Variants in LNPEP observed in about 807,000 individuals in gnomAD.
LNPEP encodes leucyl-cystinyl aminopeptidase.
LNPEP carries 64 observed loss-of-function variants against 120.6 expected under a neutral mutation model. The ratio of observed to expected loss-of-function variants is 0.53; its 90% CI spans 0.43 to 0.65. The LOEUF (loss-of-function observed/expected upper bound fraction) is 0.65. Ranked by LOEUF, LNPEP falls within the 30% of genes least tolerant of loss-of-function variation. The probability of loss-of-function intolerance (pLI) is 0.00; values close to 1 mark genes in which losing one functional copy is unlikely to be tolerated. For missense variants in LNPEP, 1,057 were observed against 1,200.0 expected, an observed-to-expected ratio of 0.88 and a Z score of 1.76; for synonymous variants, 435 against 425.4, an observed-to-expected ratio of 1.02 and a Z score of -0.28.
intron 1 of LNPEP, among the ~76,000 whole-genome samples, chr5:96,961,699 A>T (rs1446372405): frequency 2.6e-5 from 4 of 152,148 alleles, no homozygotes; most frequent in African/African-American, 9.7e-5. Flanking sequence ...GCATATAACC[A>T]GTTTACACGA....
At chr5:97,017,519 C>A (rs38029) in intron 13 of LNPEP, among the ~76,000 whole-genome samples, 1 of 151,866 alleles carries the variant, frequency 6.6e-6, no homozygotes, top group South Asian at 2.1e-4. Context: ...TAGATATTCT[C>A]TGTTCTCTTC....
At chr5:96,959,688 T>C (rs924972299) in intron 1 of LNPEP, among the ~76,000 whole-genome samples, 5 of 152,178 alleles carry the variant, frequency 3.3e-5, no homozygotes, top group Non-Finnish European at 5.9e-5. Flanking sequence ...ATTTTAGTTT[T>C]AGACTTTTAA....
chr5:96,964,282 T>G (rs1789675898), intron 1 of LNPEP, among the ~76,000 whole-genome samples: 1 of 151,948 alleles, frequency 6.6e-6, no homozygotes, highest in Non-Finnish European at 1.5e-5. Flanking sequence ...GTTAATTTAT[T>G]AAGATCTTGG....
intron 2 of LNPEP, among the ~76,000 whole-genome samples, chr5:96,983,649 G>A (rs539564906): frequency 1.3e-5 from 2 of 152,252 alleles, no homozygotes; most frequent in South Asian, 4.1e-4. Flanking sequence ...GTTTCACCAT[G>A]TTGGCCAGGC....
chr5:97,017,203 T>G (rs1268316178), intron 13 of LNPEP, among the ~76,000 whole-genome samples: 3 of 152,176 alleles, frequency 2.0e-5, no homozygotes, highest in African/African-American at 4.8e-5. Flanking sequence ...ACTGCAATTT[T>G]GACTTGAATT....
rs898696656 is a variant in LNPEP, at chr5:97,034,094, G to A, written c.*5561G>A. 4 of 152,084 alleles carry A rather than the reference G, an allele frequency of 2.6e-5. No individual in the cohort carries two copies. Among genetic ancestry groups the A allele is most frequent in the African/African-American group, 9.7e-5 (4 of 41,404 alleles). The allele number at this position is 152,084 out of a possible 1,614,324, so 9.4% of individuals were successfully genotyped here. A position where few individuals can be genotyped will look rare whatever the true frequency, so the allele number is the denominator to read the frequency against. ...ATGAAACGTGGAGGTCCGGATGTAT[G>A]AAAATCTCCTCTTTTCCCCTTTCCT... is the stretch of plus-strand genomic sequence containing the variant. On this transcript the variant is annotated 3_prime_UTR_variant, in exon 18 of 18. Transcript: ENST00000231368.
chr5:96,983,877 A>G (rs1454350000), intron 2 of LNPEP, among the ~76,000 whole-genome samples: 5 of 152,146 alleles, frequency 3.3e-5, no homozygotes, highest in Admixed American at 6.6e-5. Context: ...AATTTTTTCA[A>G]TCTTCATGAA....
intron 11 of LNPEP, among the ~76,000 whole-genome samples, chr5:97,009,652 T>TA (rs1244153787): frequency 4.7e-5 from 7 of 150,334 alleles, no homozygotes; most frequent in African/African-American, 1.7e-4. Flanking sequence ...TAGTGTCTGT[T>TA]ACTTCCTCTT....
chr5:97,021,948 T>TTTTTTTTTTG (rs1791211585), intron 13 of LNPEP, among the ~76,000 whole-genome samples: 1 of 143,772 alleles, frequency 7.0e-6, no homozygotes, highest in Admixed American at 7.0e-5. Context: ...TTTTTTTTTT[T>TTTTTTTTTTG]TGAGGCAGAG....
intron 1 of LNPEP, among the ~76,000 whole-genome samples, chr5:96,971,152 T>G (rs1336143544): frequency 2.0e-5 from 3 of 152,168 alleles, no homozygotes; most frequent in Middle Eastern, 6.8e-3. Context: ...CAAAGTTGAG[T>G]TTAGAATTTT....
chr5:96,992,548 C>T (rs1466532449), intron 4 of LNPEP, among the ~76,000 whole-genome samples: 1 of 152,078 alleles, frequency 6.6e-6, no homozygotes, highest in Non-Finnish European at 1.5e-5. Context: ...TGTGACTCCT[C>T]AGTGTTGAGT....
Position 97,006,221 on chromosome 5 carries a change from C to A in LNPEP, c.1934C>A (p.Pro645His). Residue 645 changes from proline to histidine, a missense_variant, in exon 10 of 18, where the codon CCT becomes CAT. Physicochemically the swap from Pro to His is moderately conservative, Grantham distance 77. Coordinates refer to ENST00000231368, the MANE Select transcript of LNPEP (RefSeq NM_005575.3). ...FFLNMKPEIQPSDTSYLWHIP... is the reference protein window; with the variant it reads ...FFLNMKPEIQHSDTSYLWHIP... ...TTAAATATGAAGCCTGAAATTCAGC[C>A]TTCAGATACAAGGTACATGCCCTCT... The A allele has an allele frequency of 6.2e-7, 1 of 1,602,650 alleles. No individual in the cohort carries two copies. The highest frequency in any genetic ancestry group is 1.1e-5 in the South Asian group (1 of 88,642).
At chr5:96,988,663 T>C (rs1041092305) in intron 4 of LNPEP, among the ~76,000 whole-genome samples, 92 of 152,114 alleles carry the variant, frequency 6.0e-4, no homozygotes, top group African/African-American at 2.2e-3. Flanking sequence ...CAGGCTGGAG[T>C]ACATGGTGCA....
chr5:97,017,556 C>T (rs941843159), intron 13 of LNPEP, among the ~76,000 whole-genome samples: 2 of 152,024 alleles, frequency 1.3e-5, no homozygotes, highest in African/African-American at 2.4e-5. Flanking sequence ...TTATCCTTTA[C>T]ATTTAGATCT....
intron 1 of LNPEP, among the ~76,000 whole-genome samples, chr5:96,942,099 A>G (rs1789066837): frequency 1.3e-5 from 2 of 152,216 alleles, no homozygotes; most frequent in Admixed American, 1.3e-4. Flanking sequence ...GCCAAGAGAT[A>G]GAAAACATTT....
rs973397436 is a variant in LNPEP at position 96,980,928 on chromosome 5, T to C, written c.860+950T>C. Among the ~76,000 whole-genome samples, 20 of 152,226 alleles carry C rather than the reference T, an allele frequency of 1.3e-4. No homozygotes were observed. The South Asian group carries it at 4.1e-3, about 31-fold the overall frequency. On this transcript the variant is annotated intron_variant, in intron 2 of 17. Transcript: ENST00000231368. ...TAATTCTATTCAGATAAATAATTTT[T>C]ATTTTATTTTCCCTCTATGTAATAC...
chr5:96,985,120 T>A lies in LNPEP; in HGVS notation c.901T>A (p.Ser301Thr), dbSNP rs750671326. ...ATQFEPLAARSAFPCFDEPAF... is the reference protein window; with the variant it reads ...ATQFEPLAARTAFPCFDEPAF... ...TCAGTTTGAACCCCTGGCAGCAAGA[T>A]CTGCTTTTCCTTGTTTTGATGAACC... The change falls in exon 3 of 18, where the codon TCT becomes ACT. Residue 301 changes from serine (S) to threonine (T), a missense_variant. Transcript: ENST00000231368. 1.2e-6 allele frequency: 2 copies of A among 1,614,048 alleles called. No homozygotes were observed. The highest frequency in any genetic ancestry group is 1.1e-5 in the South Asian group (1 of 91,086).
intron 13 of LNPEP, among the ~76,000 whole-genome samples, chr5:97,021,319 G>T (rs886146936): frequency 6.6e-6 from 1 of 152,182 alleles, no homozygotes; most frequent in Non-Finnish European, 1.5e-5. Flanking sequence ...GAATCTAGAT[G>T]AACAGTGTAT....
At chr5:97,021,332 G>A (rs1209253158) in intron 13 of LNPEP, among the ~76,000 whole-genome samples, 1 of 152,144 alleles carries the variant, frequency 6.6e-6, no homozygotes, top group African/African-American at 2.4e-5. Context: ...CAGTGTATGG[G>A]TGTTGTACTA....
Sources: allele counts gnomAD v4.1 joint callset (sites outside exome capture counted in the v4.1 genomes callset), GRCh38; gene constraint gnomAD v4.1.1; transcripts MANE v1.5; gene names NCBI Gene and HGNC (gene_info 2026-07-23, HGNC 2026-07-21).